Variants in TTC39C observed in about 807,000 individuals in gnomAD.
TTC39C encodes the protein tetratricopeptide repeat domain 39C, also known as tetratricopeptide repeat protein 39C.
Under a neutral mutation model 76.3 loss-of-function variants are expected in TTC39C, and 33 were observed. That is an observed-to-expected ratio of 0.43 (90% confidence interval 0.33 to 0.58). The LOEUF (loss-of-function observed/expected upper bound fraction) is 0.58, where lower values mean the gene tolerates loss of function less well. Ranked by LOEUF, TTC39C falls within the 20% of genes least tolerant of loss-of-function variation. The pLI is 0.04. For synonymous variants in TTC39C, 254 were observed against 260.6 expected (o/e 0.97, Z 0.24); for missense variants, 595 against 701.4 (o/e 0.85, Z 1.71).
At chr18:24,127,613 C>T (rs1280346948) in intron 10 of TTC39C, among the ~76,000 whole-genome samples, 1 of 152,060 alleles carries the variant, frequency 6.6e-6, no homozygotes, top group Non-Finnish European at 1.5e-5. Flanking sequence ...GCCTCCCTGG[C>T]TCAAGCGATC....
intron 1 of TTC39C, among the ~76,000 whole-genome samples, chr18:24,045,224 A>G (rs7243254): frequency 0.85 from 124,080 of 146,222 alleles, 54,718 homozygotes; most frequent in Non-Finnish European, 0.97. Flanking sequence ...AGTCAAGATC[A>G]TGCCACTGCA....
chr18:24,012,873 A>G, upstream of TTC39C: 1 of 152,634 alleles, frequency 6.6e-6, no homozygotes, highest in Non-Finnish European at 1.5e-5. Flanking sequence ...ACACACACAC[A>G]CACACACACA....
At chr18:24,000,799 C>A (rs1258361168) in intron 1 of TTC39C, among the ~76,000 whole-genome samples, 1 of 152,186 alleles carries the variant, frequency 6.6e-6, no homozygotes, top group Non-Finnish European at 1.5e-5. Context: ...AGGGACCCCA[C>A]ATTTTCATTT....
chr18:23,997,652 G>GAAAA (rs2083275162), intron 1 of TTC39C, among the ~76,000 whole-genome samples: 1 of 44,406 alleles, frequency 2.3e-5, no homozygotes, highest in Non-Finnish European at 4.3e-5. Context: ...AGGAAGGAAG[G>GAAAA]AGAAAGAAAG....
chr18:24,015,022 C>T lies in TTC39C; in HGVS notation c.151C>T (p.Leu51Phe). ...LNNGFRESDQ[L>F]FKQYRNHSPL... is the part of the protein sequence containing the mutation. ...CAACGGCTTCAGGGAGTCGGACCAG[C>T]TTTTCAAACAATACAGGTGACCCAC... is the stretch of plus-strand genomic sequence containing the variant. Residue 51 changes from leucine to phenylalanine, a missense_variant, in exon 1 of 14, where the codon CTT becomes TTT. Leu to Phe is a conservative substitution (Grantham distance 22). Transcript: ENST00000317571. 1 of 1,508,276 alleles carries T rather than the reference C, an allele frequency of 6.6e-7. No homozygotes were observed. The highest frequency in any genetic ancestry group is 8.9e-7 in the Non-Finnish European group (1 of 1,127,970). 93.4% of individuals were successfully genotyped at this position (1,508,276 alleles called of 1,614,324 possible).
intron 1 of TTC39C, among the ~76,000 whole-genome samples, chr18:24,060,313 G>GTTTTTTTTTTTTT (rs1294806136): frequency 1.1e-5 from 1 of 89,242 alleles, no homozygotes; most frequent in Non-Finnish European, 2.1e-5. Context: ...TTGCGTTTCT[G>GTTTTTTTTTTTTT]TTTTTTTTTT....
At chr18:24,039,504 GT>G (rs1017677258) in intron 1 of TTC39C, among the ~76,000 whole-genome samples, 1 of 152,216 alleles carries the variant, frequency 6.6e-6, no homozygotes, top group African/African-American at 2.4e-5. Flanking sequence ...GTTTTGTCTT[GT>G]TTTGTTTGTA....
Position 24,014,880 on chromosome 18 carries a change from C to T in TTC39C, c.9C>T (p.Gly3=). 1 of 1,420,348 alleles carries T rather than the reference C, an allele frequency of 7.0e-7. No homozygotes were observed. Among genetic ancestry groups the T allele is most frequent in the Non-Finnish European group, 9.2e-7 (1 of 1,089,244 alleles). The allele number at this position is 1,420,348 out of a possible 1,614,324, so 88.0% of individuals were successfully genotyped here. ...CAGGGCCTCGCACGCCCATGGCCGGCTCGGAGCAGCAGCGGCCGCGGCGGC... is the reference window on the plus strand; with the variant it reads ...CAGGGCCTCGCACGCCCATGGCCGGTTCGGAGCAGCAGCGGCCGCGGCGGC... MA[G]SEQQRPRRRD... Residue 3 remains glycine, a synonymous_variant, in exon 1 of 14, where the codon GGC becomes GGT. Transcript: ENST00000317571.
chr18:24,014,799 G>T lies in TTC39C; in HGVS notation c.-73G>T, dbSNP rs1256724255. 4.2e-6 allele frequency: 5 copies of T among 1,194,080 alleles called. No individual in the cohort carries two copies. Among genetic ancestry groups the T allele is most frequent in the Non-Finnish European group, 5.2e-6 (5 of 959,388 alleles). The allele number at this position is 1,194,080 out of a possible 1,614,324, so 74.0% of individuals were successfully genotyped here. On this transcript the variant is annotated 5_prime_UTR_variant, in exon 1 of 14. Transcript: ENST00000317571. ...CTTGGCTCCGGGCAGGTAGAGCCGG[G>T]CTCCGGGCGCGCGCGGGGCCGCAGC... is the stretch of plus-strand genomic sequence containing the variant.
chr18:23,997,673 A>AAAGAAG (rs1568398779), intron 1 of TTC39C, among the ~76,000 whole-genome samples: 1 of 26,614 alleles, frequency 3.8e-5, no homozygotes, highest in Non-Finnish European at 7.4e-5. Context: ...AAAGAAAGAA[A>AAAGAAG]GAAAGAAAGA....
chr18:24,069,268 T>G lies in TTC39C; in HGVS notation c.457T>G (p.Ser153Ala). Residue 153 changes from serine to alanine, a missense_variant, in exon 4 of 14, where the codon TCA (serine) becomes GCA (alanine). Ser to Ala is a moderately conservative substitution (Grantham distance 99). Transcript: ENST00000317571. ...GCTTTCATTTGTAAAACAAGAATTG[T>G]CAGGTATGCTGAAGCATTATTTTTA... ...AVLSFVKQEL[S>A]AYIKGGWILR... 1 of 1,612,558 alleles carries G rather than the reference T, an allele frequency of 6.2e-7. No homozygotes were observed. Among genetic ancestry groups the G allele is most frequent in the Non-Finnish European group, 8.5e-7 (1 of 1,178,600 alleles).
intron 7 of TTC39C, among the ~76,000 whole-genome samples, chr18:24,117,719 A>T (rs1390744797): frequency 6.6e-6 from 1 of 151,982 alleles, no homozygotes. Flanking sequence ...AAGAAAAAAA[A>T]AAAAAAAGAA....
chr18:24,127,201 T>G (rs1237034689), intron 10 of TTC39C, among the ~76,000 whole-genome samples: 1 of 152,226 alleles, frequency 6.6e-6, no homozygotes, highest in Non-Finnish European at 1.5e-5. Flanking sequence ...TTAATTAGAT[T>G]ATATCATTCC....
In TTC39C at chr18:24,035,829, G is replaced by T. The variant is rs578189635; in HGVS notation, c.167+20791G>T. 9.9e-5 allele frequency among the ~76,000 whole-genome samples: 15 copies of T among 152,126 alleles called. 2 individuals are homozygous for T. The South Asian group carries it at 3.1e-3, about 32-fold the overall frequency. On this transcript the variant is annotated intron_variant, in intron 1 of 13. Coordinates refer to ENST00000317571, the MANE Select transcript of TTC39C (RefSeq NM_001135993.2). ...ATTTTCTGTTTTTGTGTGTGCCTTTGGTATCACATCCAAGAAACCATTGCC... is the reference window on the plus strand; with the variant it reads ...ATTTTCTGTTTTTGTGTGTGCCTTTTGTATCACATCCAAGAAACCATTGCC...
At chr18:24,086,699 C>T (rs1167417027) in intron 6 of TTC39C, among the ~76,000 whole-genome samples, 2 of 152,214 alleles carry the variant, frequency 1.3e-5, no homozygotes, top group African/African-American at 4.8e-5. Flanking sequence ...GTCTATAGTA[C>T]TGTGCCTCGA....
At chr18:24,066,227 G>C in intron 3 of TTC39C, 87 bp downstream of exon 3, 2 of 1,486,522 alleles carry the variant, frequency 1.3e-6, no homozygotes, top group South Asian at 2.6e-5. Flanking sequence ...CCATTTGCTT[G>C]GTTTTAGTAT....
At chr18:24,040,201 A>G (rs939702138) in intron 1 of TTC39C, among the ~76,000 whole-genome samples, 2 of 152,248 alleles carry the variant, frequency 1.3e-5, no homozygotes, top group Non-Finnish European at 2.9e-5. Context: ...AACGTCAAAT[A>G]AACATTTTAT....
chr18:24,129,051 A>C lies in TTC39C; in HGVS notation c.1518+68A>C, dbSNP rs530285465. ...AACACCTACGTATATGCTTGTGAATAAGAAAAATGAAAAAGCACTGAACGA... is the reference window on the plus strand; with the variant it reads ...AACACCTACGTATATGCTTGTGAATCAGAAAAATGAAAAAGCACTGAACGA... On this transcript the variant is annotated intron_variant, in intron 11 of 13. Coordinates refer to ENST00000317571, the MANE Select transcript of TTC39C (RefSeq NM_001135993.2). 2.8e-5 allele frequency: 36 copies of C among 1,272,278 alleles called. No individual in the cohort carries two copies. The South Asian group carries it at 4.4e-4, about 16-fold the overall frequency. 78.8% of individuals were successfully genotyped at this position (1,272,278 alleles called of 1,614,324 possible).
At chr18:24,045,907 ATATATATATATATATATATATTTTT>A (rs2083866131) in intron 1 of TTC39C, among the ~76,000 whole-genome samples, 1 of 40,598 alleles carries the variant, frequency 2.5e-5, no homozygotes, top group South Asian at 1.1e-3. Context: ...ATATATATAT[ATATATATATATATATATATATTTTT>A]TTTTTTTTTT....
Sources: allele counts gnomAD v4.1 joint callset (sites outside exome capture counted in the v4.1 genomes callset), GRCh38; gene constraint gnomAD v4.1.1; transcripts MANE v1.5; gene names NCBI Gene and HGNC (gene_info 2026-07-23, HGNC 2026-07-21).